Variants in OR9G4 observed in about 807,000 individuals in gnomAD.
The protein encoded by OR9G4 is olfactory receptor 9G4.
OR9G4 carries 19 observed loss-of-function variants against 16.7 expected under a neutral mutation model. The ratio of observed to expected loss-of-function variants is 1.14; its 90% confidence interval spans 0.79 to 1.67. OR9G4 has a LOEUF of 1.67. Ranked by LOEUF, OR9G4 falls within the 40% of genes most tolerant of loss-of-function variation. The pLI, the probability that OR9G4 is intolerant of heterozygous loss-of-function variation, is 0.00. For missense variants in OR9G4, 428 were observed against 370.4 expected, an observed-to-expected ratio of 1.16 and a Z score of -1.28; for synonymous variants, 182 against 146.2, an observed-to-expected ratio of 1.24 and a Z score of -1.76.
At chr11:56,743,953 GA>G in intron 1 of OR9G4, 165 bp from the exon 2 acceptor site, 1 of 710,802 alleles carries the variant, frequency 1.4e-6, no homozygotes, top group Non-Finnish European at 2.3e-6. Context: ...ACTGGAATTG[GA>G]GTCAAAAATA....
Position 56,743,157 on chromosome 11 carries a change from C to T in OR9G4, c.610G>A (p.Gly204Ser), listed in dbSNP as rs147107655. ...AGAATGCTGGAGAGTACTGTGAAGC[C>T]CACCACACCAAGCAGGACTTTTTCG... ...VYEKVLLGVVGFTVLSSILAI... is the reference protein window; with the variant it reads ...VYEKVLLGVVSFTVLSSILAI... Residue 204 changes from glycine to serine, a missense_variant, in exon 2 of 2, where the codon GGC becomes AGC. Coordinates refer to ENST00000641668, the MANE Select transcript of OR9G4 (RefSeq NM_001005284.2). 1,836 of 1,613,974 alleles carry T rather than the reference C, an allele frequency of 1.1e-3. 21 individuals carry two copies. The highest frequency in any genetic ancestry group is 2.4e-4 in the Non-Finnish European group (278 of 1,179,950).
At chr11:56,743,847 G>A in intron 1 of OR9G4, 59 bp from the exon 2 acceptor site, 1 of 1,554,874 alleles carries the variant, frequency 6.4e-7, no homozygotes, top group African/African-American at 1.4e-5. Flanking sequence ...AAGTTGACAA[G>A]GGTATCAATT....
At position 56,742,907 on chromosome 11, in the gene OR9G4, G is replaced by C. The variant is rs1402055835; in HGVS notation, c.860C>G (p.Pro287Arg). The part of the protein sequence containing the change: ...FYTVINPLLN[P>R]LIYSLRNKDI... The stretch of plus-strand genomic sequence containing the variant: ...TTTGTTTCTCAGGCTATAGATGAGA[G>C]GGTTGAGCAGTGGGTTGATCACGGT... Residue 287 changes from proline (P) to arginine (R), a missense_variant, in exon 2 of 2, where the codon CCT becomes CGT. Physicochemically the swap from Pro to Arg is moderately radical, Grantham distance 103. Coordinates refer to ENST00000641668, the MANE Select transcript of OR9G4 (RefSeq NM_001005284.2). 1.9e-6 allele frequency: 3 copies of C among 1,613,948 alleles called. No individual in the cohort carries two copies. The South Asian group carries it at 3.3e-5, about 18-fold the overall frequency.
intron 1 of OR9G4, 65 bp from the exon 2 acceptor site, chr11:56,743,853 C>T (rs200027607): frequency 5.8e-5 from 88 of 1,528,210 alleles, no homozygotes; most frequent in Non-Finnish European, 6.2e-5. Context: ...ACAAGGGTAT[C>T]AATTAAATCA....
In OR9G4 at chr11:56,743,438, G is replaced by A; in HGVS notation, c.329C>T (p.Thr110Ile). ...QLFFSCVVAY[T>I]ECYLLAAMAY... Reference sequence around the variant, plus strand: ...CATGGCTGCCAGGAGATAGCATTCAGTGTAGGCTACAACACAGGAAAAAAA... The same window carrying A: ...CATGGCTGCCAGGAGATAGCATTCAATGTAGGCTACAACACAGGAAAAAAA... Residue 110 changes from threonine (T) to isoleucine (I), a missense_variant, in exon 2 of 2, where the codon ACT (threonine) becomes ATT (isoleucine). Transcript: ENST00000641668. 1 of 1,614,090 alleles carries A rather than the reference G, an allele frequency of 6.2e-7. No individual in the cohort carries two copies. The highest frequency in any genetic ancestry group is 8.5e-7 in the Non-Finnish European group (1 of 1,179,994).
intron 1 of OR9G4, among the ~76,000 whole-genome samples, chr11:56,744,875 G>A (rs541579770): frequency 2.0e-5 from 3 of 152,304 alleles, no homozygotes; most frequent in African/African-American, 7.2e-5. Flanking sequence ...GGCGCTAAGA[G>A]CTACCCACAG....
intron 1 of OR9G4, among the ~76,000 whole-genome samples, chr11:56,747,471 C>T (rs1349808727): frequency 1.3e-5 from 2 of 152,118 alleles, no homozygotes; most frequent in Non-Finnish European, 2.9e-5. Flanking sequence ...TCCTCTAACT[C>T]CTGTTTATTA....
intron 1 of OR9G4, 127 bp downstream of exon 1, chr11:56,748,529 G>C (rs1858456573): frequency 6.6e-6 from 1 of 152,226 alleles, no homozygotes; most frequent in Admixed American, 6.5e-5. Flanking sequence ...ACGTGCACCT[G>C]TGTGCATGTG....
chr11:56,743,902 A>C (rs781372174), intron 1 of OR9G4, 114 bp from the exon 2 acceptor site: 2 of 1,195,434 alleles, frequency 1.7e-6, no homozygotes, highest in East Asian at 2.3e-5. Flanking sequence ...CTCCCTTACT[A>C]TCTAGAATTA....
intron 1 of OR9G4, among the ~76,000 whole-genome samples, chr11:56,745,776 C>A (rs200894465): frequency 2.2e-3 from 300 of 136,056 alleles, no homozygotes; most frequent in Middle Eastern, 0.011. Flanking sequence ...TGTCTCAAAA[C>A]AAAAAAAAAA....
chr11:56,742,867 G>A lies in OR9G4; in HGVS notation c.900C>T (p.Ala300=), dbSNP rs1858323236. The A allele has an allele frequency of 1.9e-6, 3 of 1,613,860 alleles. No individual in the cohort carries two copies. In the East Asian group the frequency reaches 6.7e-5, roughly 36 times the overall value. ...GTATAGTCTGTGTTGCTTTCCTGAA[G>A]GCCTCTTTGATATCTTTGTTTCTCA... is the stretch of plus-strand genomic sequence containing the variant. ...YSLRNKDIKE[A]FRKATQTIQP... Residue 300 remains alanine, a synonymous_variant, in exon 2 of 2, where the codon GCC becomes GCT. Transcript: ENST00000641668.
At chr11:56,747,254 C>T (rs1858432398) in intron 1 of OR9G4, among the ~76,000 whole-genome samples, 1 of 151,770 alleles carries the variant, frequency 6.6e-6, no homozygotes, top group South Asian at 2.1e-4. Flanking sequence ...TCTGTTCCCT[C>T]TGCCTGGAAC....
Sources: allele counts gnomAD v4.1 joint callset (sites outside exome capture counted in the v4.1 genomes callset), GRCh38; gene constraint gnomAD v4.1.1; transcripts MANE v1.5; gene names NCBI Gene and HGNC (gene_info 2026-07-23, HGNC 2026-07-21).